The following TIAM1 variants were observed in gnomAD, a reference collection of about 807,000 sequenced individuals.
TIAM1 encodes TIAM Rac1 associated GEF 1, also known as rho guanine nucleotide exchange factor TIAM1.
Under a neutral mutation model 163.5 loss-of-function variants are expected in TIAM1, and 65 were observed. The ratio of observed to expected loss-of-function variants is 0.40; its 90% CI spans 0.33 to 0.49. The LOEUF is 0.49. TIAM1 is among the 20% of genes least tolerant of loss of function. The probability of loss-of-function intolerance (pLI) is 0.77; values close to 1 mark genes in which losing one functional copy is unlikely to be tolerated. For synonymous variants in TIAM1, 833 were observed against 810.1 expected, an observed-to-expected ratio of 1.03 and a Z score of -0.48; for missense variants, 1,789 against 2,044.7, an observed-to-expected ratio of 0.87 and a Z score of 2.41.
intron 1 of TIAM1, among the ~76,000 whole-genome samples, chr21:31,485,319 C>T (rs895776954): frequency 1.3e-5 from 2 of 152,248 alleles, no homozygotes; most frequent in East Asian, 1.9e-4. Context: ...CTATTCTCAT[C>T]CTCACATCTT....
At chr21:31,223,645 C>T in intron 7 of TIAM1, 54 bp from the exon 8 acceptor site, 7 of 1,537,912 alleles carry the variant, frequency 4.6e-6, no homozygotes, top group Non-Finnish European at 5.3e-6. Context: ...GAAACAAATG[C>T]TAATATCTTT....
At chr21:31,142,463 CAAAAAAAAAAA>C (rs34368848) in intron 20 of TIAM1, among the ~76,000 whole-genome samples, 4 of 49,926 alleles carry the variant, frequency 8.0e-5, no homozygotes, top group Non-Finnish European at 9.9e-5. Flanking sequence ...ACTAAAAATA[CAAAAAAAAAAA>C]AAAAAAAAAA....
intron 2 of TIAM1, among the ~76,000 whole-genome samples, chr21:31,423,045 A>G (rs1242898802): frequency 1.4e-5 from 2 of 143,258 alleles, no homozygotes; most frequent in African/African-American, 2.6e-5. Context: ...CTTAATACAC[A>G]CTGATTGAGG....
chr21:31,423,517 T>G lies in TIAM1; in HGVS notation c.-369+40466A>C, dbSNP rs906156282. 2.0e-5 allele frequency among the ~76,000 whole-genome samples: 3 copies of G among 151,054 alleles called. No individual in the cohort carries two copies. The East Asian group carries it at 5.8e-4, about 29-fold the overall frequency. On this transcript the variant is annotated intron_variant, in intron 2 of 28. Transcript: ENST00000286827. ...TCTCCATTATAGAAACTAGCACACT[T>G]GTGATTAATATCAGCATACTAATTC...
intron 2 of TIAM1, among the ~76,000 whole-genome samples, chr21:31,328,750 C>G (rs947225704): frequency 6.6e-6 from 1 of 151,874 alleles, no homozygotes; most frequent in Non-Finnish European, 1.5e-5. Flanking sequence ...GTGATGCTCC[C>G]CTCCCTGTGT....
intron 12 of TIAM1, among the ~76,000 whole-genome samples, chr21:31,201,314 T>C (rs1487557191): frequency 6.6e-6 from 1 of 152,174 alleles, no homozygotes; most frequent in African/African-American, 2.4e-5. Flanking sequence ...ACATCAGCCC[T>C]CTCTGTTAAA....
chr21:31,270,873 C>G (rs537623383), intron 3 of TIAM1, among the ~76,000 whole-genome samples: 137 of 152,300 alleles, frequency 9.0e-4, no homozygotes, highest in African/African-American at 3.2e-3. Flanking sequence ...TGCCTCAGGG[C>G]CTGTGCCTGT....
chr21:31,289,025 T>A (rs981603057), intron 2 of TIAM1, among the ~76,000 whole-genome samples: 1 of 152,194 alleles, frequency 6.6e-6, no homozygotes, highest in African/African-American at 2.4e-5. Context: ...CAGGCAATGA[T>A]CAAAGCTGTA....
At chr21:31,243,207 A>ATATAT (rs1257885611) in intron 6 of TIAM1, among the ~76,000 whole-genome samples, 158 of 117,304 alleles carry the variant, frequency 1.3e-3, no homozygotes, top group African/African-American at 5.1e-3. Context: ...AAAAAAAAAA[A>ATATAT]AAATATATAT....
intron 13 of TIAM1, among the ~76,000 whole-genome samples, chr21:31,190,557 T>A (rs890972368): frequency 9.2e-5 from 14 of 152,228 alleles, no homozygotes; most frequent in African/African-American, 3.1e-4. Flanking sequence ...CACAGGCACC[T>A]ATAACATGAG....
At chr21:31,263,341 C>T (rs925008920) in intron 4 of TIAM1, among the ~76,000 whole-genome samples, 4 of 152,190 alleles carry the variant, frequency 2.6e-5, no homozygotes, top group African/African-American at 9.7e-5. Context: ...GGTAAGCACA[C>T]ATGCCAGGAT....
intron 2 of TIAM1, among the ~76,000 whole-genome samples, chr21:31,381,972 T>C (rs2076786381): frequency 6.6e-6 from 1 of 152,198 alleles, no homozygotes; most frequent in Admixed American, 6.6e-5. Context: ...CCTTCAGAAC[T>C]GTGAGAAATA....
chr21:31,244,448 G>T (rs2146714578), intron 6 of TIAM1, among the ~76,000 whole-genome samples: 1 of 152,278 alleles, frequency 6.6e-6, no homozygotes, highest in South Asian at 2.1e-4. Context: ...CTGTCAGCTG[G>T]GCGCAGTGGC....
At chr21:31,298,279 T>C (rs1016573327) in intron 2 of TIAM1, among the ~76,000 whole-genome samples, 1 of 152,196 alleles carries the variant, frequency 6.6e-6, no homozygotes, top group East Asian at 1.9e-4. Context: ...ATGGCCAAAG[T>C]TGGGCACTCC....
intron 1 of TIAM1, among the ~76,000 whole-genome samples, chr21:31,339,625 T>C (rs1205846899): frequency 6.6e-6 from 1 of 152,322 alleles, no homozygotes; most frequent in Admixed American, 6.5e-5. Context: ...GGCTTAGTTA[T>C]CTATAGCTTT....
chr21:31,267,516 ATT>A (rs34794925), intron 3 of TIAM1, among the ~76,000 whole-genome samples: 16,716 of 137,848 alleles, frequency 0.12, 1,283 homozygotes, highest in East Asian at 0.38. Flanking sequence ...TCGTTTTTTC[ATT>A]TTTTTTTTTT....
chr21:31,342,930 G>A (rs991789860), intron 1 of TIAM1, among the ~76,000 whole-genome samples: 2 of 152,146 alleles, frequency 1.3e-5, no homozygotes, highest in Non-Finnish European at 2.9e-5. Flanking sequence ...TCAAGGGAAG[G>A]TATGCTGAGA....
Position 31,119,107 on chromosome 21 carries a change from TA to T in TIAM1, c.*1260del, listed in dbSNP as rs1555847176. 0.079 allele frequency: 11,510 copies of T among 145,658 alleles called. 506 individuals are homozygous for T. The highest frequency in any genetic ancestry group is 0.11 in the Non-Finnish European group (7,161 of 65,672). The allele number at this position is 145,658 out of a possible 1,614,324, so 9.0% of individuals were successfully genotyped here. ...AAAGAAAAAGCTATAAACCTTTTTT[TA>T]AAAAAAAAAAAAAAATTGAAAGTGC... On this transcript the variant is annotated 3_prime_UTR_variant, in exon 28 of 28. Coordinates refer to ENST00000541036, the MANE Select transcript of TIAM1 (RefSeq NM_001353694.2).
At chr21:31,359,804 A>G (rs2076374951) in intron 2 of TIAM1, among the ~76,000 whole-genome samples, 1 of 111,268 alleles carries the variant, frequency 9.0e-6, no homozygotes, top group East Asian at 3.2e-4. Flanking sequence ...AAAAGAAAGA[A>G]AAAGGAAGGA....
Sources: allele counts gnomAD v4.1 joint callset (sites outside exome capture counted in the v4.1 genomes callset), GRCh38; gene constraint gnomAD v4.1.1; transcripts MANE v1.5; gene names NCBI Gene and HGNC (gene_info 2026-07-23, HGNC 2026-07-21).